GGACT: variants seen among roughly 807,000 people sequenced by gnomAD.
The protein encoded by GGACT is gamma-glutamylamine cyclotransferase, also known as gamma-glutamylaminecyclotransferase.
For synonymous variants in GGACT, 118 were observed against 115.3 expected, an observed-to-expected ratio of 1.02 and a Z score of -0.15; for missense variants, 241 against 233.2, an observed-to-expected ratio of 1.03 and a Z score of -0.22.
intron 2 of GGACT, among the ~76,000 whole-genome samples, chr13:100,569,486 G>A (rs1236496071): frequency 6.6e-6 from 1 of 152,228 alleles, no homozygotes. Context: ...GCAACTGGGA[G>A]GCAGGGGGGC....
At chr13:100,567,774 A>G (rs1053244140) in intron 2 of GGACT, among the ~76,000 whole-genome samples, 1 of 152,254 alleles carries the variant, frequency 6.6e-6, no homozygotes, top group African/African-American at 2.4e-5. Context: ...AGCATATCAC[A>G]GGATTCATTC....
intron 1 of GGACT, 76 bp from the exon 2 acceptor site, chr13:100,584,073 C>T (rs1875495530): frequency 6.6e-6 from 1 of 152,170 alleles, no homozygotes; most frequent in Non-Finnish European, 1.5e-5. Context: ...TACAAACAAA[C>T]ATAAATGACC....
At chr13:100,572,010 T>C (rs1875096439) in intron 2 of GGACT, among the ~76,000 whole-genome samples, 1 of 152,224 alleles carries the variant, frequency 6.6e-6, no homozygotes, top group Non-Finnish European at 1.5e-5. Context: ...TTCTTTATTA[T>C]GAAATTTAAC....
At chr13:100,573,856 ACC>A (rs1386723390) in intron 2 of GGACT, among the ~76,000 whole-genome samples, 73 of 147,266 alleles carry the variant, frequency 5.0e-4, no homozygotes, top group African/African-American at 1.8e-3. Context: ...ACCATCTCAC[ACC>A]TGTCAAGATG....
At chr13:100,547,668 G>A (rs1346313596) in intron 2 of GGACT, among the ~76,000 whole-genome samples, 1 of 152,196 alleles carries the variant, frequency 6.6e-6, no homozygotes, top group East Asian at 1.9e-4. Flanking sequence ...CATTTCTACA[G>A]ATTTGTGCTG....
rs1308637825 is a variant in GGACT at position 100,563,559 on chromosome 13, T to TA, written c.-11+20265dup. Among the ~76,000 whole-genome samples the TA allele has an allele frequency of 5.3e-5, 8 of 152,342 alleles. No individual in the cohort carries two copies. In the East Asian group the frequency reaches 1.3e-3, roughly 26 times the overall value. On this transcript the variant is annotated intron_variant, in intron 2 of 2. Transcript: ENST00000683975. ...AGCTGGGCATGGTGGCACATGCTTG[T>TA]AGTCCTGGCTACTCGGGAGGCCAAG...
chr13:100,550,942 G>A (rs1490225293), intron 2 of GGACT, among the ~76,000 whole-genome samples: 3 of 152,190 alleles, frequency 2.0e-5, no homozygotes, highest in African/African-American at 4.8e-5. Flanking sequence ...TTTGGGAGGA[G>A]TATATAAAAG....
chr13:100,542,635 C>T (rs1184699176), intron 2 of GGACT, among the ~76,000 whole-genome samples: 1 of 152,146 alleles, frequency 6.6e-6, no homozygotes, highest in Admixed American at 6.5e-5. Context: ...CTGCTGTGGT[C>T]AGGATTCAGG....
At chr13:100,588,019 T>C (rs9554708) in intron 1 of GGACT, among the ~76,000 whole-genome samples, 11,424 of 152,174 alleles carry the variant, frequency 0.075, 654 homozygotes, top group East Asian at 0.23. Flanking sequence ...GGGCAAGACT[T>C]CATCCCAAAC....
At chr13:100,570,656 C>T (rs1273453797) in intron 2 of GGACT, among the ~76,000 whole-genome samples, 1 of 152,060 alleles carries the variant, frequency 6.6e-6, no homozygotes, top group East Asian at 1.9e-4. Flanking sequence ...TTTATAAAAT[C>T]CCAAGGAATG....
intron 2 of GGACT, among the ~76,000 whole-genome samples, chr13:100,541,211 A>T (rs923114839): frequency 6.6e-6 from 1 of 152,382 alleles, no homozygotes. Context: ...GTGTGAGCCC[A>T]GCCCTTGCAG....
chr13:100,547,697 T>C (rs938777021), intron 2 of GGACT, among the ~76,000 whole-genome samples: 2 of 152,186 alleles, frequency 1.3e-5, no homozygotes. Context: ...TACACTCACT[T>C]GCTTTCTGGA....
chr13:100,587,280 T>A (rs1875607842), intron 1 of GGACT: 1 of 152,222 alleles, frequency 6.6e-6, no homozygotes, highest in South Asian at 2.1e-4. Flanking sequence ...CCTCTTCTAT[T>A]CTGCTTACTG....
chr13:100,569,243 T>C (rs1875003991), intron 2 of GGACT, among the ~76,000 whole-genome samples: 2 of 152,274 alleles, frequency 1.3e-5, no homozygotes, highest in African/African-American at 2.4e-5. Flanking sequence ...TGCACTGCCC[T>C]AGCAGAGGTT....
intron 2 of GGACT, among the ~76,000 whole-genome samples, chr13:100,575,261 A>G (rs1339183337): frequency 6.6e-6 from 1 of 152,208 alleles, no homozygotes; most frequent in Non-Finnish European, 1.5e-5. Context: ...TCCATTAGCA[A>G]TGACCTGTGT....
chr13:100,584,547 A>G (rs1875509560), intron 1 of GGACT, among the ~76,000 whole-genome samples: 2 of 152,210 alleles, frequency 1.3e-5, no homozygotes, highest in South Asian at 4.1e-4. Context: ...AAGCAGGAAT[A>G]AGATCTAGTA....
intron 2 of GGACT, among the ~76,000 whole-genome samples, chr13:100,563,332 G>A (rs2088782298): frequency 6.6e-6 from 1 of 152,200 alleles, no homozygotes; most frequent in South Asian, 2.1e-4. Context: ...GGAAGAATGG[G>A]AGGGATGCTT....
In GGACT at chr13:100,539,909, G is replaced by A. The variant is rs2088535143; in HGVS notation, c.-10-7308C>T. On this transcript the variant is annotated intron_variant, in intron 2 of 2. Coordinates refer to ENST00000683975, the MANE Select transcript of GGACT (RefSeq NM_001195087.2). The stretch of plus-strand genomic sequence containing the variant: ...TTTAAGAACTCAGCTCCTTACATGG[G>A]CTTTGGTGGGGGACGTGGGGCAGCA... The A allele has an allele frequency of 4.4e-6, 6 of 1,355,714 alleles. No homozygotes were observed. In the Middle Eastern group the frequency reaches 7.6e-4, roughly 171 times the overall value. The allele number at this position is 1,355,714 out of a possible 1,614,324, so 84.0% of individuals were successfully genotyped here. A position where few individuals can be genotyped will look rare whatever the true frequency, so the allele number is the denominator to read the frequency against.
At chr13:100,546,151 G>A (rs2088601419) in intron 2 of GGACT, among the ~76,000 whole-genome samples, 1 of 151,976 alleles carries the variant, frequency 6.6e-6, no homozygotes, top group Admixed American at 6.6e-5. Context: ...ACGAGGACAG[G>A]AGATCGAGAC....
Sources: allele counts gnomAD v4.1 joint callset (sites outside exome capture counted in the v4.1 genomes callset), GRCh38; gene constraint gnomAD v4.1.1; transcripts MANE v1.5; gene names NCBI Gene and HGNC (gene_info 2026-07-23, HGNC 2026-07-21).